Variants in GATA4 observed in about 807,000 individuals in gnomAD.
The protein encoded by GATA4 is GATA binding protein 4, also known as transcription factor GATA-4.
A neutral mutation model predicts 37.9 loss-of-function variants in GATA4; 7 were observed. That is an observed-to-expected ratio of 0.18 (90% CI 0.11 to 0.35). The LOEUF (loss-of-function observed/expected upper bound fraction) is 0.35, where lower values mean the gene tolerates loss of function less well. Ranked by LOEUF, GATA4 falls within the 10% of genes least tolerant of loss-of-function variation. The probability of loss-of-function intolerance (pLI) is 1.00; values close to 1 mark genes in which losing one functional copy is unlikely to be tolerated. For missense variants in GATA4, 647 were observed against 653.0 expected (o/e 0.99, Z 0.10); for synonymous variants, 372 against 292.6 (o/e 1.27, Z -2.77).
chr8:11,682,372 T>C lies in GATA4; in HGVS notation c.-274+5309T>C, dbSNP rs187299440. 4.6e-5 allele frequency among the ~76,000 whole-genome samples: 7 copies of C among 152,368 alleles called. No homozygotes were observed. In the East Asian group the frequency reaches 1.3e-3, roughly 29 times the overall value. ...TTTGCTTTCTGTTAGATCACAGTAGTGCTATCATAATAATGATAGAACAAT... is the reference window on the plus strand; with the variant it reads ...TTTGCTTTCTGTTAGATCACAGTAGCGCTATCATAATAATGATAGAACAAT... On this transcript the variant is annotated intron_variant, in intron 1 of 6. Transcript: ENST00000528712.
chr8:11,755,194 A>C, intron 5 of GATA4, 61 bp downstream of exon 5: 4 of 1,370,716 alleles, frequency 2.9e-6, no homozygotes, highest in Non-Finnish European at 4.1e-6. Flanking sequence ...AGTGCCTAAG[A>C]ATCATATCTT....
At chr8:11,732,452 T>C (rs111589866) in intron 2 of GATA4, among the ~76,000 whole-genome samples, 5,272 of 152,316 alleles carry the variant, frequency 0.035, 129 homozygotes, top group Middle Eastern at 0.11. Context: ...ATGTTTGATT[T>C]GCTTGGCTAA....
rs112042801 is a variant in GATA4, at chr8:11,678,352, C to T, written c.-274+1289C>T. 1.8e-3 allele frequency among the ~76,000 whole-genome samples: 270 copies of T among 152,228 alleles called. 1 individual carries two copies. Among genetic ancestry groups the T allele is most frequent in the African/African-American group, 6.3e-3 (262 of 41,524 alleles). ...AAATTGTTCCCTTTGACTATCTTTC[C>T]ATCTCCAGCAGCCCCACCGGCTTCC... On this transcript the variant is annotated intron_variant, in intron 1 of 6. Coordinates refer to the GATA4 transcript ENST00000528712.
intron 2 of GATA4, among the ~76,000 whole-genome samples, chr8:11,719,952 C>T (rs1800595076): frequency 6.6e-6 from 1 of 152,036 alleles, no homozygotes. Context: ...AAGCGAGGTG[C>T]CCCCAGGACG....
intron 2 of GATA4, among the ~76,000 whole-genome samples, chr8:11,737,171 C>T (rs558021046): frequency 6.6e-6 from 1 of 152,030 alleles, no homozygotes; most frequent in Non-Finnish European, 1.5e-5. Context: ...GGAAAACAGT[C>T]CCCACGTATA....
At chr8:11,756,272 T>C (rs1220494977) in intron 5 of GATA4, among the ~76,000 whole-genome samples, 1 of 152,212 alleles carries the variant, frequency 6.6e-6, no homozygotes, top group Non-Finnish European at 1.5e-5. Flanking sequence ...CATTCAACCA[T>C]GGCTTATCCC....
At chr8:11,734,551 A>G (rs142005583) in intron 2 of GATA4, among the ~76,000 whole-genome samples, 5,280 of 152,010 alleles carry the variant, frequency 0.035, 129 homozygotes, top group Middle Eastern at 0.11. Flanking sequence ...CAATGGCGCA[A>G]CCTCGGCTCA....
intron 1 of GATA4, chr8:11,692,716 G>T (rs1164035912): frequency 1.0e-5 from 10 of 984,962 alleles, no homozygotes; most frequent in Non-Finnish European, 1.1e-5. Flanking sequence ...GGGAGGCTGG[G>T]AGGGAGAGCA....
intron 1 of GATA4, among the ~76,000 whole-genome samples, chr8:11,682,322 G>A (rs1242800952): frequency 2.6e-5 from 4 of 152,126 alleles, no homozygotes. Flanking sequence ...AGATAACTTT[G>A]CCTTGTTCAC....
At chr8:11,700,178 G>C (rs898328856), upstream of GATA4, among the ~76,000 whole-genome samples, 8 of 152,214 alleles carry the variant, frequency 5.3e-5, no homozygotes, top group Non-Finnish European at 1.0e-4. Context: ...ATCTGGAAGT[G>C]ACTATAAAAT....
chr8:11,726,803 C>T, intron 2 of GATA4, among the ~76,000 whole-genome samples: 1 of 152,316 alleles, frequency 6.6e-6, no homozygotes, highest in East Asian at 1.9e-4. Context: ...CTGCTGGGCC[C>T]TGATGGTGCC....
rs1348336846 is a variant in GATA4, at chr8:11,681,385, G to A, written c.-274+4322G>A. The A allele has an allele frequency of 7.1e-6, 7 of 985,042 alleles. No homozygotes were observed. The African/African-American group carries it at 8.8e-5, about 12-fold the overall frequency. The allele number at this position is 985,042 out of a possible 1,614,324, so 61.0% of individuals were successfully genotyped here. On this transcript the variant is annotated intron_variant, in intron 1 of 6. Transcript: ENST00000528712. ...CCCCTAGGTCTCATAAAAACTCCTG[G>A]CAGACCCTTCCGGGATCACGCGTGG...
chr8:11,717,501 C>T (rs532144079), intron 2 of GATA4, among the ~76,000 whole-genome samples: 24 of 152,260 alleles, frequency 1.6e-4, no homozygotes, highest in African/African-American at 5.5e-4. Context: ...CTCAGGTCCC[C>T]GTGGGTAGTA....
Position 11,755,042 on chromosome 8 carries a change from C to G in GATA4, c.913-4C>G, listed in dbSNP as rs947982256. 6.2e-7 allele frequency: 1 copy of G among 1,613,100 alleles called. No individual in the cohort carries two copies. Among genetic ancestry groups the G allele is most frequent in the South Asian group, 1.1e-5 (1 of 91,048 alleles). Reference sequence around the variant, plus strand: ...ACCCTATATATTTACTTGTGACCCTCCAGGTCCCCAGGCCTCTTGCAATGC... The same window carrying G: ...ACCCTATATATTTACTTGTGACCCTGCAGGTCCCCAGGCCTCTTGCAATGC... On this transcript the variant is annotated splice_polypyrimidine_tract_variant and splice_region_variant and intron_variant, in intron 4 of 6. Coordinates refer to ENST00000532059, the MANE Select transcript of GATA4 (RefSeq NM_001308093.3).
intron 1 of GATA4, among the ~76,000 whole-genome samples, chr8:11,698,674 C>A (rs1234797029): frequency 6.6e-6 from 1 of 152,186 alleles, no homozygotes; most frequent in Non-Finnish European, 1.5e-5. Context: ...CAGCCTTCAT[C>A]CCCGGAGGCC....
At position 11,687,184 on chromosome 8, in the gene GATA4, C is replaced by T. The variant is rs578162815; in HGVS notation, c.-274+10121C>T. Among the ~76,000 whole-genome samples, 282 of 152,186 alleles carry T rather than the reference C, an allele frequency of 1.9e-3. 1 individual carries two copies. The highest frequency in any genetic ancestry group is 6.1e-3 in the African/African-American group (252 of 41,518). On this transcript the variant is annotated intron_variant, in intron 1 of 6. Transcript: ENST00000528712. ...AGAGATTTCCCTTGCCTTTGAAAAA[C>T]GCTTCATTCTCTGCTAGCTAGGCAT...
intron 1 of GATA4, among the ~76,000 whole-genome samples, chr8:11,685,426 A>G (rs1157660230): frequency 6.6e-6 from 1 of 152,202 alleles, no homozygotes; most frequent in Non-Finnish European, 1.5e-5. Flanking sequence ...AAATATTTTG[A>G]GAGAGGTGAG....
chr8:11,687,609 A>G (rs1175373423), intron 1 of GATA4, among the ~76,000 whole-genome samples: 1 of 152,208 alleles, frequency 6.6e-6, no homozygotes, highest in Admixed American at 6.5e-5. Flanking sequence ...TTTATAGATG[A>G]GAAAACTGAG....
chr8:11,751,647 TG>T (rs1802310532), intron 4 of GATA4, among the ~76,000 whole-genome samples: 2 of 152,308 alleles, frequency 1.3e-5, no homozygotes, highest in South Asian at 4.1e-4. Context: ...TTCCCCCAAA[TG>T]GGCAAAAGAT....
Sources: allele counts gnomAD v4.1 joint callset (sites outside exome capture counted in the v4.1 genomes callset), GRCh38; gene constraint gnomAD v4.1.1; transcripts MANE v1.5; gene names NCBI Gene and HGNC (gene_info 2026-07-23, HGNC 2026-07-21).